HUNK: variants seen among roughly 807,000 people sequenced by gnomAD.
HUNK encodes the protein hormonally up-regulated neu tumor-associated kinase.
In HUNK, 21 loss-of-function variants were observed where a neutral mutation model predicts 61.0. The ratio of observed to expected loss-of-function variants is 0.34; its 90% CI spans 0.24 to 0.50. The LOEUF is 0.50. HUNK is among the 20% of genes least tolerant of loss of function. HUNK has a pLI of 0.98. For missense variants in HUNK, 772 were observed against 945.7 expected (o/e 0.82, Z 2.41); for synonymous variants, 371 against 386.1 (o/e 0.96, Z 0.46).
intron 1 of HUNK, among the ~76,000 whole-genome samples, chr21:31,889,810 A>G (rs929179299): frequency 3.9e-5 from 6 of 152,192 alleles, no homozygotes; most frequent in African/African-American, 1.2e-4. Context: ...CATAAAGGCC[A>G]TTAAAGCAGC....
At chr21:31,953,154 C>T (rs116335009) in intron 4 of HUNK, among the ~76,000 whole-genome samples, 376 of 152,106 alleles carry the variant, frequency 2.5e-3, no homozygotes, top group African/African-American at 7.1e-3. Context: ...ATGGAAACTC[C>T]GGGGGAGAGG....
chr21:31,990,016 G>A, intron 8 of HUNK, 113 bp from the exon 9 acceptor site: 1 of 976,866 alleles, frequency 1.0e-6, no homozygotes, highest in South Asian at 1.3e-5. Flanking sequence ...TTCTGTCTAT[G>A]AAAACCGAAA....
chr21:31,901,101 G>A (rs924008958), intron 1 of HUNK, among the ~76,000 whole-genome samples: 3 of 152,114 alleles, frequency 2.0e-5, no homozygotes, highest in African/African-American at 7.2e-5. Flanking sequence ...TTGGATTAGG[G>A]TACACACAAA....
chr21:31,961,062 G>C (rs1433815002), intron 5 of HUNK, among the ~76,000 whole-genome samples: 1 of 152,146 alleles, frequency 6.6e-6, no homozygotes, highest in African/African-American at 2.4e-5. Flanking sequence ...CCCTCACAAG[G>C]ATCCCTCGTG....
chr21:31,932,539 C>T (rs1176180799), intron 2 of HUNK, among the ~76,000 whole-genome samples: 3 of 152,156 alleles, frequency 2.0e-5, no homozygotes, highest in East Asian at 1.9e-4. Flanking sequence ...TTTGAAAGAA[C>T]TTCAAACAAA....
At chr21:31,902,694 G>A (rs1568920800) in intron 1 of HUNK, among the ~76,000 whole-genome samples, 1 of 152,124 alleles carries the variant, frequency 6.6e-6, no homozygotes, top group Non-Finnish European at 1.5e-5. Context: ...AATTTACAGA[G>A]AAATGGCGAT....
chr21:31,997,921 T>G (rs2053217126), intron 10 of HUNK, among the ~76,000 whole-genome samples: 2 of 151,978 alleles, frequency 1.3e-5, no homozygotes, highest in African/African-American at 4.8e-5. Flanking sequence ...TTTTTTTTCT[T>G]TTTTTTCTTT....
chr21:31,962,719 C>T (rs73193436), intron 5 of HUNK, among the ~76,000 whole-genome samples: 3,823 of 152,350 alleles, frequency 0.025, 80 homozygotes, highest in Non-Finnish European at 0.037. Context: ...CTGATGCTCT[C>T]CCCATCTCCT....
intron 1 of HUNK, among the ~76,000 whole-genome samples, chr21:31,902,899 A>C (rs923981080): frequency 1.3e-5 from 2 of 152,124 alleles, no homozygotes; most frequent in African/African-American, 4.8e-5. Context: ...TCACACTATT[A>C]ATCTTTTCTT....
At chr21:31,925,978 A>G (rs932695795) in intron 2 of HUNK, among the ~76,000 whole-genome samples, 2 of 151,444 alleles carry the variant, frequency 1.3e-5, no homozygotes, top group Non-Finnish European at 2.9e-5. Flanking sequence ...CTGGAGTGCA[A>G]TGGCGCAATC....
chr21:31,890,164 T>C (rs1162843879), intron 1 of HUNK, among the ~76,000 whole-genome samples: 1 of 152,174 alleles, frequency 6.6e-6, no homozygotes, highest in Admixed American at 6.5e-5. Context: ...ACATACTTTT[T>C]TATTGTCAAC....
intron 7 of HUNK, among the ~76,000 whole-genome samples, chr21:31,983,208 T>C (rs13051232): frequency 6.6e-6 from 1 of 152,336 alleles, no homozygotes; most frequent in East Asian, 1.9e-4. Flanking sequence ...TCTCTGTTCG[T>C]GTTTTTGAGT....
At chr21:31,991,619 C>T (rs1387636142) in intron 9 of HUNK, among the ~76,000 whole-genome samples, 4 of 152,328 alleles carry the variant, frequency 2.6e-5, no homozygotes, top group Admixed American at 1.3e-4. Context: ...AACCAGCCAA[C>T]GACATCTGGG....
At position 31,998,873 on chromosome 21, in the gene HUNK, C is replaced by G. The variant is rs2053225674; in HGVS notation, c.1834C>G (p.His612Asp). ...GCCATCCGGAAGCATGTCGCCTCTC[C>G]ATACTCCTTTGCATCCAACTCTGGT... ...GLPSGSMSPL[H>D]TPLHPTLVSF... Residue 612 changes from histidine to aspartate, a missense_variant, in exon 11 of 11, where the codon CAT (histidine) becomes GAT (aspartate). His to Asp is a moderately conservative substitution (Grantham distance 81). This residue lies in a region of HUNK where 413 missense variants were observed against 444.4 expected (regional missense o/e 0.93). Transcript: ENST00000270112. The G allele has an allele frequency of 6.2e-7, 1 of 1,614,230 alleles. No homozygotes were observed.
At chr21:31,942,329 G>T (rs1288595052) in intron 3 of HUNK, among the ~76,000 whole-genome samples, 1 of 152,168 alleles carries the variant, frequency 6.6e-6, no homozygotes, top group Non-Finnish European at 1.5e-5. Flanking sequence ...CTCTGTGCTT[G>T]GTCTCTCTGC....
intron 7 of HUNK, 75 bp downstream of exon 7, chr21:31,974,792 GT>G: frequency 1.5e-6 from 2 of 1,368,052 alleles, no homozygotes; most frequent in Non-Finnish European, 2.0e-6. Flanking sequence ...GTGCTTCTCA[GT>G]TGCTGACACT....
intron 1 of HUNK, among the ~76,000 whole-genome samples, chr21:31,899,715 G>T (rs77973667): frequency 6.6e-6 from 1 of 151,678 alleles, no homozygotes; most frequent in African/African-American, 2.4e-5. Context: ...CACCATCTTG[G>T]TTCCTCCATC....
chr21:31,913,734 C>T (rs1484617999), intron 1 of HUNK, among the ~76,000 whole-genome samples: 2 of 151,796 alleles, frequency 1.3e-5, no homozygotes, highest in East Asian at 1.9e-4. Context: ...GGGGTGGACG[C>T]GTGCCTCCCC....
chr21:31,971,105 G>GTTATTTATTTA (rs1440680610), intron 6 of HUNK, among the ~76,000 whole-genome samples: 1 of 151,834 alleles, frequency 6.6e-6, no homozygotes, highest in Non-Finnish European at 1.5e-5. Context: ...TTGAGACAGA[G>GTTATTTATTTA]TCTTGATCTG....
Sources: gnomAD v4.1 joint callset for allele counts (sites outside exome capture counted in the v4.1 genomes callset) on GRCh38, gnomAD v4.1.1 for gene constraint, gnomAD v4.1.1 regional missense constraint, MANE v1.5 for transcripts, NCBI Gene and HGNC (gene_info 2026-07-23, HGNC 2026-07-21) for gene names.